Variants in TM9SF2 observed in about 807,000 individuals in gnomAD.
TM9SF2 encodes the protein 76 kDa membrane protein.
TM9SF2 carries 13 observed loss-of-function variants against 84.9 expected under a neutral mutation model. The observed-to-expected ratio is 0.15, with a 90% CI of 0.10 to 0.24. The LOEUF (loss-of-function observed/expected upper bound fraction) is 0.24. Among genes scored for constraint, TM9SF2 ranks in the 10% least tolerant of loss-of-function variants. The pLI is 1.00. For synonymous variants in TM9SF2, 273 were observed against 285.8 expected (o/e 0.96, Z 0.45); for missense variants, 562 against 818.5 (o/e 0.69, Z 3.82).
intron 1 of TM9SF2, among the ~76,000 whole-genome samples, chr13:99,508,706 A>G (rs115812978): frequency 0.01 from 1,588 of 152,232 alleles, 29 homozygotes; most frequent in African/African-American, 0.036. Context: ...GTCACATGGT[A>G]AAAGCAGGAG....
chr13:99,531,462 C>T (rs894145663), intron 4 of TM9SF2, among the ~76,000 whole-genome samples: 9 of 152,186 alleles, frequency 5.9e-5, no homozygotes, highest in African/African-American at 2.2e-4. Flanking sequence ...CTCGCATTCC[C>T]TCCTACCCCT....
intron 6 of TM9SF2, 21 bp from the exon 7 acceptor site, chr13:99,539,425 C>G (rs1024341995): frequency 1.3e-6 from 2 of 1,496,494 alleles, no homozygotes; most frequent in Non-Finnish European, 1.9e-6. Flanking sequence ...CAGCATCTTG[C>G]CAAAATGTTT....
At chr13:99,514,554 A>G (rs1291333894) in intron 1 of TM9SF2, among the ~76,000 whole-genome samples, 2 of 152,204 alleles carry the variant, frequency 1.3e-5, no homozygotes, top group African/African-American at 2.4e-5. Context: ...ATAGTCCCAC[A>G]ACAAAATCCC....
chr13:99,539,515 T>A lies in TM9SF2; in HGVS notation c.786T>A (p.Ser262=), dbSNP rs746738781. Residue 262 remains serine (S), a synonymous_variant, in exon 7 of 17, where the codon TCT becomes TCA. Coordinates refer to ENST00000376387, the MANE Select transcript of TM9SF2 (RefSeq NM_004800.3). ...GPPMDISNKA[S]GEIKIAYTYS... ...CCATGGACATAAGTAACAAGGCTTC[T>A]GGGGAGATAAAAATTGCCTATACTT... The A allele has an allele frequency of 6.2e-7, 1 of 1,613,694 alleles. No homozygotes were observed. Among genetic ancestry groups the A allele is most frequent in the East Asian group, 2.2e-5 (1 of 44,868 alleles).
chr13:99,559,273 T>G, intron 15 of TM9SF2, 90 bp from the exon 16 acceptor site: 1 of 1,134,078 alleles, frequency 8.8e-7, no homozygotes, highest in Non-Finnish European at 1.2e-6. Context: ...GGGGGCTGTC[T>G]CATTTATTAT....
intron 3 of TM9SF2, among the ~76,000 whole-genome samples, chr13:99,521,999 C>T (rs906219978): frequency 3.9e-5 from 6 of 152,160 alleles, no homozygotes; most frequent in African/African-American, 9.6e-5. Context: ...AGACGTGAGC[C>T]GCCGTCTGAC....
At chr13:99,529,320 C>A (rs1405323853) in intron 3 of TM9SF2, 147 bp from the exon 4 acceptor site, 3 of 582,814 alleles carry the variant, frequency 5.1e-6, no homozygotes, top group Non-Finnish European at 5.2e-6. Flanking sequence ...TCTGATTGAG[C>A]TATGAGGAAT....
chr13:99,518,691 G>A (rs556149000), intron 2 of TM9SF2, among the ~76,000 whole-genome samples: 1 of 152,176 alleles, frequency 6.6e-6, no homozygotes, highest in African/African-American at 2.4e-5. Flanking sequence ...CAACATCCTG[G>A]GCTTAGGTGA....
At chr13:99,529,778 T>G (rs2046200265) in intron 4 of TM9SF2, among the ~76,000 whole-genome samples, 184 bp downstream of exon 4, 1 of 152,232 alleles carries the variant, frequency 6.6e-6, no homozygotes, top group Non-Finnish European at 1.5e-5. Flanking sequence ...TCATTTAAAG[T>G]ATCATCTTTT....
intron 10 of TM9SF2, among the ~76,000 whole-genome samples, chr13:99,544,947 A>G (rs2046276765): frequency 6.6e-6 from 1 of 152,092 alleles, no homozygotes; most frequent in Non-Finnish European, 1.5e-5. Flanking sequence ...ACCTCTGGGT[A>G]TATGTTAATT....
chr13:99,528,541 G>A (rs1176006089), intron 3 of TM9SF2, among the ~76,000 whole-genome samples: 2 of 152,158 alleles, frequency 1.3e-5, no homozygotes, highest in East Asian at 3.8e-4. Flanking sequence ...TTGCCATTTT[G>A]GTGTAATATT....
At chr13:99,506,855 C>A (rs2046090871) in intron 1 of TM9SF2, among the ~76,000 whole-genome samples, 1 of 152,198 alleles carries the variant, frequency 6.6e-6, no homozygotes, top group Admixed American at 6.5e-5. Context: ...CTATTCTCTC[C>A]TGTAGCTTCC....
At chr13:99,527,690 C>T (rs575361925) in intron 3 of TM9SF2, among the ~76,000 whole-genome samples, 3 of 152,308 alleles carry the variant, frequency 2.0e-5, no homozygotes, top group South Asian at 4.1e-4. Context: ...ATATGATTTC[C>T]CTCAGATATG....
chr13:99,516,641 C>G (rs901648481), intron 1 of TM9SF2, among the ~76,000 whole-genome samples: 4 of 152,112 alleles, frequency 2.6e-5, no homozygotes, highest in Admixed American at 1.3e-4. Flanking sequence ...TTAAAATTAG[C>G]CTATATTTCC....
In TM9SF2 at chr13:99,563,698, A is replaced by G. The variant is rs1291666239; in HGVS notation, c.*940A>G. On this transcript the variant is annotated 3_prime_UTR_variant, in exon 17 of 17. Transcript: ENST00000376387. ...TTCTATTTTTGACTTGTTTTTCAAA[A>G]TACAGTGTTTTAAGTCAGGTTTTAT... 6.6e-6 allele frequency: 1 copy of G among 152,246 alleles called. No individual in the cohort carries two copies. Among genetic ancestry groups the G allele is most frequent in the Non-Finnish European group, 1.5e-5 (1 of 68,044 alleles). The allele number at this position is 152,246 out of a possible 1,614,324, so 9.4% of individuals were successfully genotyped here.
chr13:99,531,497 C>T (rs759960667), intron 4 of TM9SF2, among the ~76,000 whole-genome samples: 21 of 152,122 alleles, frequency 1.4e-4, no homozygotes, highest in Non-Finnish European at 2.6e-4. Flanking sequence ...CTCCACCCCA[C>T]CCAACCCCCA....
At chr13:99,546,680 T>A (rs141322603) in intron 10 of TM9SF2, among the ~76,000 whole-genome samples, 58 of 152,232 alleles carry the variant, frequency 3.8e-4, no homozygotes, top group African/African-American at 1.3e-3. Flanking sequence ...TGTACTTGAA[T>A]CTCAGAAGAG....
At chr13:99,522,166 G>A (rs1301867962) in intron 3 of TM9SF2, among the ~76,000 whole-genome samples, 8 of 152,094 alleles carry the variant, frequency 5.3e-5, no homozygotes, top group African/African-American at 9.7e-5. Context: ...AATTACAGGC[G>A]TGTGTCACTA....
chr13:99,530,090 A>G (rs900034964), intron 4 of TM9SF2, among the ~76,000 whole-genome samples: 21 of 152,296 alleles, frequency 1.4e-4, no homozygotes, highest in African/African-American at 4.8e-4. Context: ...CAAAAAAAAA[A>G]AAGGCTGACA....
Sources: allele counts gnomAD v4.1 joint callset (sites outside exome capture counted in the v4.1 genomes callset), GRCh38; gene constraint gnomAD v4.1.1; transcripts MANE v1.5; gene names NCBI Gene and HGNC (gene_info 2026-07-23, HGNC 2026-07-21).